The following ZNF550 variants were observed in gnomAD, a reference collection of about 807,000 sequenced individuals.
ZNF550 encodes the protein zinc finger protein 550.
In ZNF550, 42 loss-of-function variants were observed where a neutral mutation model predicts 40.2. That is an observed-to-expected ratio of 1.05 (90% CI 0.82 to 1.35). The LOEUF (loss-of-function observed/expected upper bound fraction) is 1.35, where lower values mean the gene tolerates loss of function less well. Ranked by LOEUF, ZNF550 falls within the 40% of genes most tolerant of loss-of-function variation. The pLI is 0.00. For missense variants in ZNF550, 549 were observed against 525.2 expected, an observed-to-expected ratio of 1.05 and a Z score of -0.44; for synonymous variants, 223 against 198.6, an observed-to-expected ratio of 1.12 and a Z score of -1.03.
chr19:57,550,314 C>T (rs751890943), intron 3 of ZNF550, among the ~76,000 whole-genome samples: 2 of 152,166 alleles, frequency 1.3e-5, no homozygotes, highest in Admixed American at 6.5e-5. Context: ...CCAGTCATCT[C>T]CTGGGTGTAT....
At chr19:57,544,501 C>T in intron 4 of ZNF550, 1 of 985,452 alleles carries the variant, frequency 1.0e-6, no homozygotes, top group African/African-American at 1.7e-5. Flanking sequence ...TACATGCAGC[C>T]TTCCAGAGAG....
intron 3 of ZNF550, among the ~76,000 whole-genome samples, chr19:57,551,997 A>G (rs759852656): frequency 2.2e-4 from 33 of 152,240 alleles, no homozygotes; most frequent in Non-Finnish European, 4.4e-4. Context: ...AGGGGAGGAA[A>G]GTCCCCTTTC....
In ZNF550 at chr19:57,556,572, G is replaced by A. The variant is rs140050783; in HGVS notation, c.28-215C>T. 266 of 488,446 alleles carry A rather than the reference G, an allele frequency of 5.4e-4. 3 individuals are homozygous for A. The East Asian group carries it at 7.7e-3, about 14-fold the overall frequency. 30.3% of individuals were successfully genotyped at this position (488,446 alleles called of 1,614,324 possible). On this transcript the variant is annotated intron_variant, in intron 1 of 4. Coordinates refer to ENST00000457177, the Ensembl canonical transcript of ZNF550. ...GAGAAAAGCCTTCTATGGGGAAGCTGTTGAAGATGACACAAACAATGGCAA... is the reference window on the plus strand; with the variant it reads ...GAGAAAAGCCTTCTATGGGGAAGCTATTGAAGATGACACAAACAATGGCAA...
At chr19:57,543,033 C>T (rs567740745) in exon 5 of ZNF550, 2 of 159,396 alleles carry the variant, frequency 1.3e-5, no homozygotes, top group African/African-American at 4.8e-5. Flanking sequence ...ACACAGGCTT[C>T]CATTGTGAGA....
At chr19:57,556,418 G>A in intron 1 of ZNF550, 61 bp from the exon 2 acceptor site, 2 of 1,560,328 alleles carry the variant, frequency 1.3e-6, no homozygotes, top group South Asian at 1.2e-5. Flanking sequence ...ATCAGAACCT[G>A]TCACTCAGTC....
chr19:57,549,646 T>TA (rs1424506424), intron 3 of ZNF550, among the ~76,000 whole-genome samples: 3 of 151,804 alleles, frequency 2.0e-5, no homozygotes, highest in Non-Finnish European at 4.4e-5. Flanking sequence ...GGTGAGGAAG[T>TA]AAAAATGGGT....
At chr19:57,544,269 G>A (rs1353938783) in intron 4 of ZNF550, 3 of 985,258 alleles carry the variant, frequency 3.0e-6, no homozygotes, top group East Asian at 1.1e-4. Context: ...GTAGATCCTT[G>A]TACCAAACAC....
intron 1 of ZNF550, among the ~76,000 whole-genome samples, chr19:57,557,715 C>T (rs1292836182): frequency 1.3e-5 from 2 of 152,206 alleles, no homozygotes; most frequent in African/African-American, 4.8e-5. Context: ...GTCCTCTGGT[C>T]CTCACTGTGT....
At chr19:57,545,088 C>T (rs2123334403) in intron 4 of ZNF550, among the ~76,000 whole-genome samples, 1 of 152,338 alleles carries the variant, frequency 6.6e-6, no homozygotes, top group East Asian at 1.9e-4. Context: ...CACTCCTGCA[C>T]TCCAGCCTAG....
At chr19:57,552,477 G>A in intron 3 of ZNF550, 150 bp downstream of exon 3, 6 of 606,008 alleles carry the variant, frequency 9.9e-6, no homozygotes, top group South Asian at 4.3e-5. Context: ...CTCACCTGAT[G>A]ATGGACACTA....
At chr19:57,549,698 T>C (rs1208940769) in intron 3 of ZNF550, among the ~76,000 whole-genome samples, 2 of 152,074 alleles carry the variant, frequency 1.3e-5, no homozygotes, top group African/African-American at 2.4e-5. Context: ...GAAACCAATA[T>C]AAAAGGGTGA....
intron 1 of ZNF550, among the ~76,000 whole-genome samples, chr19:57,557,737 T>A (rs1229451490): frequency 6.6e-6 from 1 of 152,222 alleles, no homozygotes; most frequent in African/African-American, 2.4e-5. Flanking sequence ...CCTGCCAGGC[T>A]AAGGCTTCCT....
exon 5 of ZNF550, chr19:57,542,243 A>C (rs2089966372): frequency 6.6e-6 from 1 of 151,100 alleles, no homozygotes; most frequent in Admixed American, 6.6e-5. Flanking sequence ...AGTGATACAG[A>C]AACACTTTTG....
chr19:57,559,667 C>G, exon 1 of ZNF550: 1 of 1,508,110 alleles, frequency 6.6e-7, no homozygotes, highest in Non-Finnish European at 8.9e-7. Context: ...TGCGCTGCGT[C>G]CTTCGTCTCC....
upstream of ZNF550, among the ~76,000 whole-genome samples, chr19:57,561,231 C>A (rs971479946): frequency 6.6e-6 from 1 of 152,230 alleles, no homozygotes; most frequent in African/African-American, 2.4e-5. This position sits in a 1 kb window ranked among gnomAD's most constrained non-coding sequence, Gnocchi z 4.9. Flanking sequence ...TATAAACACC[C>A]TTTAACCTTA....
chr19:57,548,570 G>C (rs1191282573), intron 3 of ZNF550, among the ~76,000 whole-genome samples: 1 of 152,124 alleles, frequency 6.6e-6, no homozygotes, highest in East Asian at 1.9e-4. Context: ...CAAAAGACAG[G>C]CAATAACAAA....
At chr19:57,559,511 C>T in intron 1 of ZNF550, 145 bp downstream of exon 1, 2 of 769,920 alleles carry the variant, frequency 2.6e-6, no homozygotes, top group Non-Finnish European at 3.6e-6. Flanking sequence ...CATTCCGGAC[C>T]CGGGACCGCG....
intron 2 of ZNF550, 62 bp downstream of exon 2, chr19:57,556,169 C>T: frequency 6.2e-7 from 1 of 1,611,794 alleles, no homozygotes; most frequent in East Asian, 2.2e-5. Flanking sequence ...TTCCAGTGAC[C>T]TTTTTGCCTG....
At chr19:57,550,067 G>A (rs147655587) in intron 3 of ZNF550, among the ~76,000 whole-genome samples, 2 of 152,290 alleles carry the variant, frequency 1.3e-5, no homozygotes, top group East Asian at 1.9e-4. Flanking sequence ...TATTTTCATT[G>A]CTGCGCTGGG....
Sources: allele counts gnomAD v4.1 joint callset (sites outside exome capture counted in the v4.1 genomes callset), GRCh38; gene constraint gnomAD v4.1.1; non-coding constraint Gnocchi (gnomAD v3.1); transcripts MANE v1.5; gene names NCBI Gene and HGNC (gene_info 2026-07-23, HGNC 2026-07-21).